The following LPIN1 variants were observed in gnomAD, a reference collection of about 807,000 sequenced individuals.
LPIN1 encodes phosphatidate phosphatase LPIN1.
A neutral mutation model predicts 107.5 loss-of-function variants in LPIN1; 71 were observed. That is an observed-to-expected ratio of 0.66 (90% CI 0.55 to 0.80). LPIN1 has a LOEUF of 0.80. Ranked by LOEUF, LPIN1 falls within the 30% of genes least tolerant of loss-of-function variation. LPIN1 has a pLI of 0.00. For synonymous variants in LPIN1, 445 were observed against 452.6 expected (o/e 0.98, Z 0.21); for missense variants, 1,043 against 1,160.6 (o/e 0.90, Z 1.47).
intron 7 of LPIN1, among the ~76,000 whole-genome samples, chr2:11,780,721 G>T (rs1673445332): frequency 6.6e-6 from 1 of 152,220 alleles, no homozygotes; most frequent in Admixed American, 6.5e-5. Context: ...AGACTTCCCT[G>T]AACCTCAGTG....
intron 1 of LPIN1, among the ~76,000 whole-genome samples, chr2:11,734,123 A>C (rs1389240425): frequency 6.6e-6 from 1 of 152,230 alleles, no homozygotes; most frequent in Non-Finnish European, 1.5e-5. Flanking sequence ...ATTAAATTAG[A>C]GACCTTCATT....
At chr2:11,684,605 T>C (rs188050150) in intron 1 of LPIN1, among the ~76,000 whole-genome samples, 308 of 152,350 alleles carry the variant, frequency 2.0e-3, no homozygotes, top group African/African-American at 7.1e-3. Flanking sequence ...GGGGTAGATA[T>C]GTTCATGTGA....
chr2:11,783,707 G>C, intron 8 of LPIN1, 122 bp from the exon 9 acceptor site: 1 of 816,796 alleles, frequency 1.2e-6, no homozygotes, highest in Non-Finnish European at 2.2e-6. Flanking sequence ...GTGGTTCTTG[G>C]GCAGTTTGAG....
chr2:11,808,321 G>A (rs1679068346), intron 17 of LPIN1, among the ~76,000 whole-genome samples: 2 of 152,110 alleles, frequency 1.3e-5, no homozygotes, highest in Admixed American at 1.3e-4. Flanking sequence ...CTCCTCACAC[G>A]AGGGCCTTAG....
chr2:11,742,856 G>C (rs540814527), upstream of LPIN1, among the ~76,000 whole-genome samples: 6 of 152,236 alleles, frequency 3.9e-5, no homozygotes, highest in Non-Finnish European at 5.9e-5. Flanking sequence ...GCCCACCAGC[G>C]GCCAGCCACG....
At chr2:11,706,135 T>C (rs1361483661) in intron 1 of LPIN1, among the ~76,000 whole-genome samples, 1 of 152,204 alleles carries the variant, frequency 6.6e-6, no homozygotes, top group Non-Finnish European at 1.5e-5. Context: ...AACTGTTAAA[T>C]TCATTAAACC....
chr2:11,748,397 G>A (rs1321590399), intron 1 of LPIN1, among the ~76,000 whole-genome samples: 2 of 152,232 alleles, frequency 1.3e-5, no homozygotes, highest in Admixed American at 1.3e-4. Flanking sequence ...ACTCACAGAT[G>A]TAGAACTTGG....
rs2148620979 is a variant in LPIN1 at position 11,765,912 on chromosome 2, A to AT, written c.192+181dup. Among the ~76,000 whole-genome samples, 1 of 152,332 alleles carries AT rather than the reference A, an allele frequency of 6.6e-6. No homozygotes were observed. Among genetic ancestry groups the AT allele is most frequent in the South Asian group, 2.1e-4 (1 of 4,830 alleles). ...TATTCTAGTTAGTATGGCTGTGTAAATTAAAGTGCCGTGGCACACACCACT... is the reference window on the plus strand; with the variant it reads ...TATTCTAGTTAGTATGGCTGTGTAAATTTAAAGTGCCGTGGCACACACCACT... On this transcript the variant is annotated intron_variant, in intron 2 of 20. Transcript: ENST00000674199. This position sits in a 1 kb window ranked among gnomAD's most constrained non-coding sequence, Gnocchi z 4.4.
Position 11,802,991 on chromosome 2 carries a change from T to A in LPIN1, c.1971T>A (p.Asn657Lys), listed in dbSNP as rs200704636. 3.1e-6 allele frequency: 5 copies of A among 1,613,148 alleles called. No individual in the cohort carries two copies. In the East Asian group the frequency reaches 6.7e-5, roughly 22 times the overall value. The change falls in exon 15 of 21, where the codon AAT becomes AAA. Residue 657 changes from asparagine (N) to lysine (K), a missense_variant. Physicochemically the swap from Asn to Lys is moderately conservative, Grantham distance 94. Coordinates refer to ENST00000674199, the MANE Select transcript of LPIN1 (RefSeq NM_001349206.2). ...CAGGCCACCTCCCTCTTCTGCCTAA[T>A]GTCAGCTACAAGAAGACTCTCCGGC... ...SNAGHLPLLP[N>K]VSYKKTLRLT...
intron 1 of LPIN1, among the ~76,000 whole-genome samples, chr2:11,708,321 C>G (rs1166188280): frequency 6.6e-6 from 1 of 152,138 alleles, no homozygotes; most frequent in Non-Finnish European, 1.5e-5. Context: ...GGGGGGGACT[C>G]TGAGAAGGCC....
At position 11,752,433 on chromosome 2, in the gene LPIN1, A is replaced by ATTTTTTTTTTTTTTTTTTTT. The variant is rs34156190; in HGVS notation, c.-10+5778_-10+5779insTTTTTTTTTTTTTTTTTTTT. Reference sequence around the variant, plus strand: ...TTTTCTTTTGAGCTGTTCCAAGGCCATTTTTTTTTTTTTTTTGAGACGGAG... The same window carrying ATTTTTTTTTTTTTTTTTTTT: ...TTTTCTTTTGAGCTGTTCCAAGGCCATTTTTTTTTTTTTTTTTTTTTTTTTTTTTTTTTTTTGAGACGGAG... On this transcript the variant is annotated intron_variant, in intron 1 of 20. Coordinates refer to ENST00000674199, the MANE Select transcript of LPIN1 (RefSeq NM_001349206.2). 1.6e-4 allele frequency among the ~76,000 whole-genome samples: 17 copies of ATTTTTTTTTTTTTTTTTTTT among 103,868 alleles called. 1 individual carries two copies. Among genetic ancestry groups the ATTTTTTTTTTTTTTTTTTTT allele is most frequent in the African/African-American group, 9.0e-4 (16 of 17,698 alleles). The allele number at this position is 103,868 out of a possible 152,430, so 68.1% of individuals were successfully genotyped here.
intron 11 of LPIN1, among the ~76,000 whole-genome samples, chr2:11,787,398 CTTTTTTT>C (rs1205272301): frequency 1.4e-4 from 9 of 64,568 alleles, no homozygotes; most frequent in Admixed American, 6.7e-4. Flanking sequence ...TTTTCTTTTT[CTTTTTTT>C]TTTTTTTTTT....
intron 17 of LPIN1, among the ~76,000 whole-genome samples, chr2:11,806,255 A>G (rs1173708904): frequency 2.0e-5 from 3 of 152,226 alleles, no homozygotes; most frequent in Non-Finnish European, 2.9e-5. Flanking sequence ...GTGAACACAG[A>G]TGAATGAACT....
chr2:11,800,918 T>C (rs144775437), intron 14 of LPIN1, among the ~76,000 whole-genome samples: 63 of 152,344 alleles, frequency 4.1e-4, no homozygotes, highest in African/African-American at 1.5e-3. Context: ...AGTTTGCACA[T>C]ATCTTCTTCC....
intron 1 of LPIN1, among the ~76,000 whole-genome samples, chr2:11,754,882 A>G (rs1668420097): frequency 6.6e-6 from 1 of 152,144 alleles, no homozygotes; most frequent in Admixed American, 6.5e-5. Context: ...CTGTTTATTT[A>G]AACTGTTTGC....
intron 1 of LPIN1, among the ~76,000 whole-genome samples, chr2:11,759,109 GAGCT>G (rs548884429): frequency 8.7e-5 from 13 of 149,714 alleles, no homozygotes; most frequent in African/African-American, 2.0e-4. Flanking sequence ...ATCCAGTTAT[GAGCT>G]AGCTAGCTTG....
intron 12 of LPIN1, among the ~76,000 whole-genome samples, chr2:11,789,410 G>A (rs530881769): frequency 6.6e-6 from 1 of 152,174 alleles, no homozygotes; most frequent in East Asian, 1.9e-4. Flanking sequence ...TGCTTGTGCA[G>A]GTGTGTGCCT....
Position 11,779,643 on chromosome 2 carries a change from A to G in LPIN1, c.955A>G (p.Lys319Glu), listed in dbSNP as rs752521580. ...WLWGELPQAA[K>E]SSSPHKMKES... ...GTGGGGAGAGCTGCCGCAGGCTGCT[A>G]AGGTGAGAGTCTCTTCAATTCTGCC... is the stretch of plus-strand genomic sequence containing the variant. Residue 319 changes from lysine (K) to glutamate (E), a missense_variant and splice_region_variant, in exon 7 of 21, where the codon AAG becomes GAG. By Grantham distance (56) the Lys-to-Glu change is moderately conservative (BLOSUM62 1). Coordinates refer to ENST00000674199, the MANE Select transcript of LPIN1 (RefSeq NM_001349206.2). The G allele has an allele frequency of 1.2e-6, 2 of 1,613,960 alleles. No homozygotes were observed. The highest frequency in any genetic ancestry group is 3.3e-5 in the Admixed American group (2 of 60,012).
chr2:11,772,155 G>A (rs1671957467), intron 4 of LPIN1, among the ~76,000 whole-genome samples: 1 of 152,198 alleles, frequency 6.6e-6, no homozygotes, highest in African/African-American at 2.4e-5. Flanking sequence ...TCTGGCAGGA[G>A]GAGGAGCTTA....
Sources: gnomAD v4.1 joint callset for allele counts (sites outside exome capture counted in the v4.1 genomes callset) on GRCh38, gnomAD v4.1.1 for gene constraint, Gnocchi (gnomAD v3.1) non-coding constraint, MANE v1.5 for transcripts, NCBI Gene and HGNC (gene_info 2026-07-23, HGNC 2026-07-21) for gene names.